Variants in DMD observed in about 807,000 individuals in gnomAD.
DMD encodes mutant dystrophin.
A neutral mutation model predicts 330.1 loss-of-function variants in DMD; 63 were observed. That is an observed-to-expected ratio of 0.19 (90% CI 0.16 to 0.24). The LOEUF is 0.24. DMD is among the 10% of genes least tolerant of loss of function. The probability of loss-of-function intolerance (pLI) is 1.00; values close to 1 mark genes in which losing one functional copy is unlikely to be tolerated. For missense variants in DMD, 3,344 were observed against 2,684.1 expected, an observed-to-expected ratio of 1.25 and a Z score of -5.43; for synonymous variants, 1,223 against 959.8, an observed-to-expected ratio of 1.27 and a Z score of -5.07.
chrX:32,007,370 G>A (rs934590967), intron 44 of DMD, among the ~76,000 whole-genome samples: 1 of 109,642 alleles, frequency 9.1e-6, no homozygotes, highest in Non-Finnish European at 1.9e-5. Context: ...AGCTGGAAGA[G>A]GCAAGGAAGA....
intron 44 of DMD, among the ~76,000 whole-genome samples, chrX:32,063,119 A>C (rs1248704268): frequency 9.1e-6 from 1 of 110,028 alleles, no homozygotes; most frequent in Non-Finnish European, 1.9e-5. Context: ...ACATGTGTGG[A>C]TATAACACAT....
intron 44 of DMD, among the ~76,000 whole-genome samples, chrX:32,047,827 G>T (rs2096074638): frequency 9.0e-6 from 1 of 110,630 alleles, no homozygotes; most frequent in South Asian, 3.8e-4. Flanking sequence ...AAATCTGTTT[G>T]TTAAGAATGA....
intron 44 of DMD, among the ~76,000 whole-genome samples, chrX:32,099,508 A>G (rs1330023078): frequency 9.1e-6 from 1 of 110,155 alleles, no homozygotes; most frequent in Non-Finnish European, 1.9e-5. Flanking sequence ...TCCAACAATG[A>G]TAGACTGGAT....
intron 29 of DMD, among the ~76,000 whole-genome samples, chrX:32,416,772 G>C (rs1245874545): frequency 9.0e-6 from 1 of 111,464 alleles, no homozygotes; most frequent in Non-Finnish European, 1.9e-5. Flanking sequence ...AAACTACAGT[G>C]GAGACCCATG....
chrX:33,215,677 T>C (rs1488812675), upstream of DMD, among the ~76,000 whole-genome samples: 1 of 112,036 alleles, frequency 8.9e-6, no homozygotes, highest in Non-Finnish European at 1.9e-5. Context: ...AAACCTTTAG[T>C]TCACCGTCAG....
chrX:32,907,070 A>G (rs1431232725), intron 2 of DMD, among the ~76,000 whole-genome samples: 1 of 112,099 alleles, frequency 8.9e-6, no homozygotes, highest in East Asian at 2.8e-4. Flanking sequence ...CAGAATAAAA[A>G]CATTCTATAG....
chrX:31,707,034 G>A (rs1426642401), intron 52 of DMD, among the ~76,000 whole-genome samples: 1 of 109,056 alleles, frequency 9.2e-6, no homozygotes, highest in Non-Finnish European at 1.9e-5. Flanking sequence ...CAGTTCCAAT[G>A]GTATTACTGA....
intron 4 of DMD, among the ~76,000 whole-genome samples, chrX:32,835,049 TA>T (rs2079495254): frequency 9.0e-6 from 1 of 111,609 alleles, no homozygotes; most frequent in African/African-American, 3.3e-5. Flanking sequence ...GACAAAAAAT[TA>T]ATCATTAAAC....
At chrX:32,473,884 C>A (rs2040920468) in intron 21 of DMD, among the ~76,000 whole-genome samples, 1 of 110,178 alleles carries the variant, frequency 9.1e-6, no homozygotes, top group Admixed American at 9.8e-5. Context: ...TATTTGGTTA[C>A]ATGAGTAAGT....
intron 43 of DMD, among the ~76,000 whole-genome samples, chrX:32,286,485 G>A (rs2097442043): frequency 9.0e-6 from 1 of 111,585 alleles, no homozygotes. Context: ...CATAATTGGA[G>A]GGGCTTGCTA....
chrX:32,852,576 C>CA (rs905024520), intron 2 of DMD, among the ~76,000 whole-genome samples: 2 of 111,394 alleles, frequency 1.8e-5, no homozygotes, highest in African/African-American at 6.5e-5. Context: ...GGTAGACCAT[C>CA]AAGCAAGCTC....
chrX:33,225,953 G>A (rs1041462620), intron 1 of DMD, among the ~76,000 whole-genome samples: 4 of 111,441 alleles, frequency 3.6e-5, no homozygotes, highest in Admixed American at 9.6e-5. Context: ...CATAGATGGC[G>A]GATAAGCTTG....
chrX:32,924,303 G>C (rs759935149), intron 2 of DMD, among the ~76,000 whole-genome samples: 1 of 111,320 alleles, frequency 9.0e-6, no homozygotes. Flanking sequence ...TGAGGCGGGA[G>C]GATTGCTTGA....
chrX:31,226,181 G>C (rs1346894349), intron 63 of DMD, among the ~76,000 whole-genome samples: 1 of 112,003 alleles, frequency 8.9e-6, no homozygotes, highest in Non-Finnish European at 1.9e-5. Flanking sequence ...ATTTTACTAA[G>C]AGCCTCTGGT....
chrX:31,503,261 G>C (rs1031865540), intron 56 of DMD, among the ~76,000 whole-genome samples: 8 of 112,268 alleles, frequency 7.1e-5, no homozygotes, highest in African/African-American at 2.3e-4. Flanking sequence ...GGTTCATAAA[G>C]TGTGATTGCA....
intron 60 of DMD, among the ~76,000 whole-genome samples, chrX:31,400,048 T>C (rs766548866): frequency 1.1e-4 from 12 of 111,856 alleles, no homozygotes; most frequent in African/African-American, 3.9e-4. Context: ...GGAAACACAA[T>C]CATTTCCATT....
chrX:32,088,849 G>A (rs947035055), intron 44 of DMD, among the ~76,000 whole-genome samples: 1 of 110,984 alleles, frequency 9.0e-6, no homozygotes, highest in African/African-American at 3.3e-5. Context: ...AATCTGCTAC[G>A]ACAAGCGCTA....
At chrX:33,249,970 T>C (rs1434983406) in intron 1 of DMD, among the ~76,000 whole-genome samples, 2 of 108,434 alleles carry the variant, frequency 1.8e-5, no homozygotes, top group Non-Finnish European at 3.8e-5. Context: ...ATTATAATGT[T>C]GGATTTATTT....
chrX:32,040,153 C>T (rs1243786978), intron 44 of DMD, among the ~76,000 whole-genome samples: 1 of 111,851 alleles, frequency 8.9e-6, no homozygotes, highest in East Asian at 2.8e-4. Flanking sequence ...TATTATTGGG[C>T]ATGTACATTC....
Sources: gnomAD v4.1 joint callset for allele counts (sites outside exome capture counted in the v4.1 genomes callset) on GRCh38, gnomAD v4.1.1 for gene constraint, MANE v1.5 for transcripts, NCBI Gene and HGNC (gene_info 2026-07-23, HGNC 2026-07-21) for gene names.